The following KCNK13 variants were observed in gnomAD, a reference collection of about 807,000 sequenced individuals.
KCNK13 encodes the protein potassium channel subfamily K member 13.
In KCNK13, 12 loss-of-function variants were observed where a neutral mutation model predicts 23.4. The observed-to-expected ratio is 0.51, with a 90% CI of 0.33 to 0.83. The LOEUF (loss-of-function observed/expected upper bound fraction) is 0.83, where lower values mean the gene tolerates loss of function less well. KCNK13 is among the 40% of genes least tolerant of loss of function. The pLI, the probability that KCNK13 is intolerant of heterozygous loss-of-function variation, is 0.02. For missense variants in KCNK13, 463 were observed against 556.3 expected (o/e 0.83, Z 1.69); for synonymous variants, 231 against 229.5 (o/e 1.01, Z -0.06).
intron 1 of KCNK13, among the ~76,000 whole-genome samples, chr14:90,160,700 G>A (rs1049934912): frequency 2.6e-5 from 4 of 151,882 alleles, no homozygotes; most frequent in African/African-American, 4.8e-5. Flanking sequence ...AAAATTAGCC[G>A]GGCATGGTGG....
rs565566985 is a variant in KCNK13 at position 90,183,837 on chromosome 14, G to C, written c.335-274G>C. 2.6e-5 allele frequency among the ~76,000 whole-genome samples: 4 copies of C among 152,256 alleles called. No individual in the cohort carries two copies. The South Asian group carries it at 8.3e-4, about 32-fold the overall frequency. ...ATCCAGCCCACATTCTTGTCACCAA[G>C]CCATTTTTTGCTGGCTGTGTCCACC... On this transcript the variant is annotated intron_variant, in intron 1 of 1. Transcript: ENST00000282146.
chr14:90,149,013 C>T (rs1184106693), intron 1 of KCNK13, among the ~76,000 whole-genome samples: 2 of 152,094 alleles, frequency 1.3e-5, no homozygotes, highest in Non-Finnish European at 2.9e-5. Flanking sequence ...TGTATTAGTC[C>T]GTTTTCATAC....
chr14:90,154,543 A>G (rs1432149577), intron 1 of KCNK13, among the ~76,000 whole-genome samples: 1 of 152,222 alleles, frequency 6.6e-6, no homozygotes, highest in Non-Finnish European at 1.5e-5. Context: ...AGCCTAGCCC[A>G]TCCTGCAGTC....
At chr14:90,136,161 G>A (rs17223845) in intron 1 of KCNK13, among the ~76,000 whole-genome samples, 15,080 of 152,118 alleles carry the variant, frequency 0.099, 1,064 homozygotes, top group Admixed American at 0.25. Context: ...GGGACAAGCA[G>A]AAGGCTGAAC....
intron 1 of KCNK13, among the ~76,000 whole-genome samples, chr14:90,156,231 A>G (rs1890193692): frequency 6.7e-6 from 1 of 150,330 alleles, no homozygotes; most frequent in South Asian, 2.1e-4. Context: ...AAAAGACGTC[A>G]GCATAGAGAT....
At chr14:90,067,832 A>AT (rs1889026538) in intron 1 of KCNK13, among the ~76,000 whole-genome samples, 1 of 152,136 alleles carries the variant, frequency 6.6e-6, no homozygotes, top group Non-Finnish European at 1.5e-5. Flanking sequence ...GTTTGCTGGT[A>AT]TATCTGTAGG....
At chr14:90,157,222 C>T (rs941115950) in intron 1 of KCNK13, among the ~76,000 whole-genome samples, 2 of 152,114 alleles carry the variant, frequency 1.3e-5, no homozygotes, top group African/African-American at 4.8e-5. Context: ...GATAATTGCA[C>T]ATTTGTATCT....
At chr14:90,076,385 A>G (rs756920748) in intron 1 of KCNK13, among the ~76,000 whole-genome samples, 4 of 152,230 alleles carry the variant, frequency 2.6e-5, no homozygotes, top group Non-Finnish European at 5.9e-5. Context: ...TCTTTTGCTC[A>G]TAAAACAGAA....
chr14:90,165,023 C>T (rs1260684435), intron 1 of KCNK13, among the ~76,000 whole-genome samples: 2 of 152,156 alleles, frequency 1.3e-5, no homozygotes, highest in Non-Finnish European at 2.9e-5. Flanking sequence ...GCCTCGCAGT[C>T]ATGGTGGAAG....
chr14:90,154,403 C>G (rs2140435133), intron 1 of KCNK13, among the ~76,000 whole-genome samples: 1 of 152,128 alleles, frequency 6.6e-6, no homozygotes, highest in East Asian at 1.9e-4. Flanking sequence ...AATGCCTGCT[C>G]TTCTACCTAC....
intron 1 of KCNK13, among the ~76,000 whole-genome samples, chr14:90,098,828 C>T (rs757818735): frequency 2.8e-4 from 43 of 152,182 alleles, no homozygotes; most frequent in Middle Eastern, 3.4e-3. Context: ...CCTGTAATCC[C>T]GGCACTTTGG....
intron 1 of KCNK13, among the ~76,000 whole-genome samples, chr14:90,102,449 A>C (rs1889493264): frequency 6.6e-6 from 1 of 152,152 alleles, no homozygotes; most frequent in South Asian, 2.1e-4. Context: ...TGGGTGGCAA[A>C]GGCAGGATTT....
intron 1 of KCNK13, among the ~76,000 whole-genome samples, chr14:90,128,488 C>T (rs545643016): frequency 4.7e-4 from 71 of 152,290 alleles, no homozygotes; most frequent in South Asian, 1.0e-3. Context: ...CTGTGTGGCA[C>T]GTGTGGGCTC....
chr14:90,129,296 T>C (rs143210819), intron 1 of KCNK13, among the ~76,000 whole-genome samples: 114 of 152,330 alleles, frequency 7.5e-4, no homozygotes, highest in African/African-American at 2.7e-3. Context: ...TTTGCCATTG[T>C]GATCAATGGC....
intron 1 of KCNK13, among the ~76,000 whole-genome samples, chr14:90,171,310 T>C (rs1890362050): frequency 1.3e-5 from 2 of 152,186 alleles, no homozygotes; most frequent in Admixed American, 1.3e-4. Flanking sequence ...CAGTTTCACA[T>C]CCCATTATTC....
chr14:90,121,285 T>A (rs1429830196), intron 1 of KCNK13, among the ~76,000 whole-genome samples: 1 of 152,192 alleles, frequency 6.6e-6, no homozygotes, highest in African/African-American at 2.4e-5. Flanking sequence ...AGAAGAATGT[T>A]TTGTAACAGG....
intron 1 of KCNK13, among the ~76,000 whole-genome samples, chr14:90,141,098 G>C (rs1416353319): frequency 6.6e-6 from 1 of 152,162 alleles, no homozygotes; most frequent in Admixed American, 6.5e-5. Flanking sequence ...AAAACCAAGA[G>C]AGCTGGACCC....
intron 1 of KCNK13, among the ~76,000 whole-genome samples, chr14:90,081,996 G>A (rs915025078): frequency 6.6e-6 from 1 of 151,992 alleles, no homozygotes; most frequent in South Asian, 2.1e-4. Flanking sequence ...TGAAGCTCTT[G>A]CCAGAAGCCA....
At position 90,088,335 on chromosome 14, in the gene KCNK13, AAAG is replaced by A. The variant is rs752885083; in HGVS notation, c.334+25799_334+25801del. ...AATGTTTAACAACAAGCTTAAAAAGAAAGAAAGAAAGAAAGAAAGCTCTGATTC... is the reference window on the plus strand; with the variant it reads ...AATGTTTAACAACAAGCTTAAAAAGAAAAGAAAGAAAGAAAGCTCTGATTC... On this transcript the variant is annotated intron_variant, in intron 1 of 1. Coordinates refer to ENST00000282146, the MANE Select transcript of KCNK13 (RefSeq NM_022054.4). Among the ~76,000 whole-genome samples, 416 of 151,528 alleles carry A rather than the reference AAAG, an allele frequency of 2.7e-3. 3 individuals carry two copies. The highest frequency in any genetic ancestry group is 9.6e-3 in the African/African-American group (398 of 41,476).
Sources: gnomAD v4.1 joint callset for allele counts (sites outside exome capture counted in the v4.1 genomes callset) on GRCh38, gnomAD v4.1.1 for gene constraint, MANE v1.5 for transcripts, NCBI Gene and HGNC (gene_info 2026-07-23, HGNC 2026-07-21) for gene names.